The following SNX13 variants were observed in gnomAD, a reference collection of about 807,000 sequenced individuals.
SNX13 encodes sorting nexin 13, also known as sorting nexin-13.
Under a neutral mutation model 133.6 loss-of-function variants are expected in SNX13, and 45 were observed. The observed-to-expected ratio is 0.34, with a 90% CI of 0.27 to 0.43. The LOEUF (loss-of-function observed/expected upper bound fraction) is 0.43. Ranked by LOEUF, SNX13 falls within the 20% of genes least tolerant of loss-of-function variation. SNX13 has a pLI of 1.00. For synonymous variants in SNX13, 414 were observed against 373.9 expected (o/e 1.11, Z -1.24); for missense variants, 1,032 against 1,145.1 (o/e 0.90, Z 1.43).
At chr7:17,856,725 T>C (rs1208450067) in intron 9 of SNX13, among the ~76,000 whole-genome samples, 1 of 148,534 alleles carries the variant, frequency 6.7e-6, no homozygotes, top group African/African-American at 2.5e-5. Flanking sequence ...CTGGTTGAGG[T>C]TGCAATGAGC....
Position 17,793,846 on chromosome 7 carries a change from A to T in SNX13, c.*199T>A. ...TTGCAAAATATGCACCAAATCATTT[A>T]AGACACAGAAATCTCTCTTGGTAGT... On this transcript the variant is annotated 3_prime_UTR_variant, in exon 26 of 26. Coordinates refer to ENST00000428135, the MANE Select transcript of SNX13 (RefSeq NM_015132.5). 1 of 553,538 alleles carries T rather than the reference A, an allele frequency of 1.8e-6. No homozygotes were observed. The highest frequency in any genetic ancestry group is 1.9e-5 in the African/African-American group (1 of 52,162). The allele number at this position is 553,538 out of a possible 1,614,324, so 34.3% of individuals were successfully genotyped here. A position where few individuals can be genotyped will look rare whatever the true frequency, so the allele number is the denominator to read the frequency against.
At chr7:17,803,001 A>G (rs1351048771) in intron 21 of SNX13, among the ~76,000 whole-genome samples, 2 of 152,138 alleles carry the variant, frequency 1.3e-5, no homozygotes, top group Non-Finnish European at 2.9e-5. Flanking sequence ...TGATCTGGTA[A>G]TCATTCTATC....
Position 17,799,021 on chromosome 7 carries a change from T to C in SNX13, c.2432A>G (p.Asp811Gly). 1 of 1,609,516 alleles carries C rather than the reference T, an allele frequency of 6.2e-7. No homozygotes were observed. Among genetic ancestry groups the C allele is most frequent in the South Asian group, 1.1e-5 (1 of 90,582 alleles). The change falls in exon 23 of 26, where the codon GAT (aspartate) becomes GGT (glycine). Residue 811 changes from aspartate to glycine, a missense_variant. Physicochemically the swap from Asp to Gly is moderately conservative, Grantham distance 94. Transcript: ENST00000428135. ...LQQLIRATYG[D>G]TINRKIVDHV... is the part of the protein sequence containing the mutation. ...GAAAGAGTGCTACCTATTAATAGTA[T>C]CGCCATATGTAGCTCTAATAAGCTG...
chr7:17,871,144 G>A (rs966710166), intron 8 of SNX13, among the ~76,000 whole-genome samples: 1 of 151,804 alleles, frequency 6.6e-6, no homozygotes, highest in South Asian at 2.1e-4. Context: ...TAGCTGGGAT[G>A]ACAGGCGCCT....
chr7:17,875,905 T>G, intron 5 of SNX13, 115 bp from the exon 6 acceptor site: 1 of 883,632 alleles, frequency 1.1e-6, no homozygotes, highest in Non-Finnish European at 1.6e-6. Flanking sequence ...AAATTTAAAT[T>G]GAGATTTTCA....
intron 1 of SNX13, among the ~76,000 whole-genome samples, chr7:17,929,025 A>C (rs893754095): frequency 6.6e-5 from 10 of 152,148 alleles, no homozygotes; most frequent in Non-Finnish European, 1.3e-4. Context: ...ATAGAAGTTA[A>C]ATTTTCTATT....
At chr7:17,843,517 T>C (rs956515854) in intron 12 of SNX13, among the ~76,000 whole-genome samples, 1 of 151,936 alleles carries the variant, frequency 6.6e-6, no homozygotes, top group African/African-American at 2.4e-5. Context: ...CAGTAACGGA[T>C]AGACCCAGAC....
chr7:17,836,081 A>C (rs1483942113), intron 13 of SNX13, among the ~76,000 whole-genome samples: 1 of 152,052 alleles, frequency 6.6e-6, no homozygotes, highest in Non-Finnish European at 1.5e-5. Context: ...ACGTTTATTT[A>C]AACTTTACTT....
chr7:17,860,362 T>C (rs900633818), intron 9 of SNX13, among the ~76,000 whole-genome samples: 3 of 152,216 alleles, frequency 2.0e-5, no homozygotes, highest in African/African-American at 7.2e-5. Context: ...GTATGAGTTC[T>C]TTATATATGA....
chr7:17,897,453 T>C lies in SNX13; in HGVS notation c.13-7A>G, dbSNP rs1235364079. The C allele has an allele frequency of 1.3e-6, 2 of 1,490,536 alleles. No individual in the cohort carries two copies. The highest frequency in any genetic ancestry group is 2.0e-5 in the Admixed American group (1 of 48,928). 92.3% of individuals were successfully genotyped at this position (1,490,536 alleles called of 1,614,324 possible). ...CCCATATGGATAGACTGGCCTGAAA[T>C]ACAGAAAAAATATAAGTAAATTAGT... On this transcript the variant is annotated splice_region_variant and splice_polypyrimidine_tract_variant and intron_variant, in intron 1 of 25. Transcript: ENST00000428135.
chr7:17,933,919 C>T (rs2128051319), intron 1 of SNX13, among the ~76,000 whole-genome samples: 1 of 152,138 alleles, frequency 6.6e-6, no homozygotes, highest in Non-Finnish European at 1.5e-5. Flanking sequence ...AAGAAAGGTG[C>T]TATTACCCCA....
chr7:17,912,264 C>T (rs1799062219), intron 1 of SNX13, among the ~76,000 whole-genome samples: 1 of 152,124 alleles, frequency 6.6e-6, no homozygotes, highest in Non-Finnish European at 1.5e-5. Flanking sequence ...CACCTTTCCA[C>T]TGGGGATCTG....
At chr7:17,796,746 C>G in intron 25 of SNX13, 81 bp downstream of exon 25, 2 of 952,754 alleles carry the variant, frequency 2.1e-6, no homozygotes, top group Non-Finnish European at 3.4e-6. Flanking sequence ...AATCAAAAGG[C>G]AGTTACACTG....
At chr7:17,878,853 A>G (rs1400015059) in intron 5 of SNX13, among the ~76,000 whole-genome samples, 1 of 152,164 alleles carries the variant, frequency 6.6e-6, no homozygotes, top group Non-Finnish European at 1.5e-5. Flanking sequence ...TGTCAAGTGC[A>G]AATATGCCCC....
At chr7:17,858,821 C>A (rs1169951261) in intron 9 of SNX13, among the ~76,000 whole-genome samples, 1 of 151,974 alleles carries the variant, frequency 6.6e-6, no homozygotes, top group African/African-American at 2.4e-5. Context: ...CATATTAGAG[C>A]AAACTGATAT....
At chr7:17,908,581 A>C (rs1020752974) in intron 1 of SNX13, among the ~76,000 whole-genome samples, 1 of 152,154 alleles carries the variant, frequency 6.6e-6, no homozygotes, top group Non-Finnish European at 1.5e-5. Context: ...CCACTGCACA[A>C]TTTACAATTC....
intron 22 of SNX13, among the ~76,000 whole-genome samples, chr7:17,800,449 T>C (rs1784493791): frequency 1.3e-5 from 2 of 151,844 alleles, no homozygotes; most frequent in Admixed American, 6.6e-5. Flanking sequence ...TTTCAGTAAA[T>C]GGTGCTTGGA....
At chr7:17,882,624 A>C in intron 5 of SNX13, 1 of 200,534 alleles carries the variant, frequency 5.0e-6, no homozygotes. Flanking sequence ...ATATACTTAA[A>C]AAAAAATAAC....
At chr7:17,850,321 CG>C in intron 11 of SNX13, 25 bp downstream of exon 11, 1 of 1,483,922 alleles carries the variant, frequency 6.7e-7, no homozygotes, top group Non-Finnish European at 9.2e-7. Flanking sequence ...TATAACTAAA[CG>C]TTAATTCAAA....
Sources: allele counts gnomAD v4.1 joint callset (sites outside exome capture counted in the v4.1 genomes callset), GRCh38; gene constraint gnomAD v4.1.1; transcripts MANE v1.5; gene names NCBI Gene and HGNC (gene_info 2026-07-23, HGNC 2026-07-21).